POLI: variants seen among roughly 807,000 people sequenced by gnomAD.
POLI encodes the protein RAD30 homolog B.
A neutral mutation model predicts 51.6 loss-of-function variants in POLI; 58 were observed. That is an observed-to-expected ratio of 1.12 (90% CI 0.91 to 1.40). The LOEUF (loss-of-function observed/expected upper bound fraction) is 1.40, where lower values mean the gene tolerates loss of function less well. Ranked by LOEUF, POLI falls within the 40% of genes most tolerant of loss-of-function variation. POLI has a pLI of 0.00. For missense variants in POLI, 921 were observed against 871.3 expected (o/e 1.06, Z -0.72); for synonymous variants, 322 against 299.7 (o/e 1.07, Z -0.77).
intron 8 of POLI, 138 bp from the exon 9 acceptor site, chr18:54,291,695 A>G: frequency 3.9e-6 from 2 of 508,272 alleles, no homozygotes; most frequent in Non-Finnish European, 6.9e-6. Flanking sequence ...TAGTATTAAT[A>G]TTGAAATGTC....
At chr18:54,286,177 T>C (rs1273337141) in intron 7 of POLI, among the ~76,000 whole-genome samples, 1 of 152,236 alleles carries the variant, frequency 6.6e-6, no homozygotes, top group African/African-American at 2.4e-5. Context: ...AACTATTTTT[T>C]TCAGATCAGA....
chr18:54,318,979 T>C (rs2088765252), intron 3 of POLI, among the ~76,000 whole-genome samples: 1 of 152,188 alleles, frequency 6.6e-6, no homozygotes, highest in Non-Finnish European at 1.5e-5. Flanking sequence ...GCTAATGAGA[T>C]GTAAGCATCT....
Position 54,296,299 on chromosome 18 carries a change from A to G in POLI, c.*1832A>G. The G allele has an allele frequency of 3.0e-6, 3 of 985,324 alleles. No individual in the cohort carries two copies. The highest frequency in any genetic ancestry group is 3.6e-6 in the Non-Finnish European group (3 of 829,826). The allele number at this position is 985,324 out of a possible 1,614,324, so 61.0% of individuals were successfully genotyped here. ...AAGAGAAAGCAAAATAGTTAAAAAT[A>G]CATTTCATAGATTGAGAATGTACGG... On this transcript the variant is annotated 3_prime_UTR_variant, in exon 10 of 10. Coordinates refer to ENST00000579534, the MANE Select transcript of POLI (RefSeq NM_007195.3).
chr18:54,286,445 T>C (rs1049792710), intron 7 of POLI, among the ~76,000 whole-genome samples: 6 of 152,148 alleles, frequency 3.9e-5, no homozygotes, highest in Non-Finnish European at 7.4e-5. Flanking sequence ...TAGTATATGC[T>C]CTTTTAAGAT....
At chr18:54,291,595 G>T in intron 8 of POLI, 1 of 272,248 alleles carries the variant, frequency 3.7e-6, no homozygotes, top group Non-Finnish European at 6.8e-6. Flanking sequence ...CAGTTTTATA[G>T]TAGCTTTTTG....
At chr18:54,275,558 T>G (rs2144471892) in intron 3 of POLI, among the ~76,000 whole-genome samples, 1 of 152,314 alleles carries the variant, frequency 6.6e-6, no homozygotes, top group East Asian at 1.9e-4. Flanking sequence ...AAAGGCAAGG[T>G]ACAAAGTCAT....
At chr18:54,276,438 T>C (rs965882894) in intron 3 of POLI, among the ~76,000 whole-genome samples, 1 of 152,184 alleles carries the variant, frequency 6.6e-6, no homozygotes, top group Non-Finnish European at 1.5e-5. Context: ...CAGTCAATAT[T>C]TAGTGATCCA....
chr18:54,314,428 G>T (rs2088706604), intron 3 of POLI, among the ~76,000 whole-genome samples: 1 of 152,078 alleles, frequency 6.6e-6, no homozygotes, highest in Admixed American at 6.6e-5. Flanking sequence ...TTGGCCTGAA[G>T]TTTTCTTTTT....
chr18:54,309,566 C>T (rs1352157434), intron 3 of POLI, among the ~76,000 whole-genome samples: 1 of 152,196 alleles, frequency 6.6e-6, no homozygotes, highest in Non-Finnish European at 1.5e-5. Context: ...AGTCAGTCCA[C>T]TCTCAGAGCT....
At chr18:54,277,565 T>A in intron 3 of POLI, 138 bp from the exon 4 acceptor site, 2 of 546,198 alleles carry the variant, frequency 3.7e-6, no homozygotes, top group Non-Finnish European at 6.4e-6. Flanking sequence ...CTGAGGGCTT[T>A]ATTAAAGATA....
intron 3 of POLI, among the ~76,000 whole-genome samples, chr18:54,277,368 C>T (rs1435510313): frequency 6.6e-6 from 1 of 152,152 alleles, no homozygotes; most frequent in Non-Finnish European, 1.5e-5. Context: ...TTCTTTGACA[C>T]ATTTCTTCAA....
At chr18:54,314,539 A>G (rs2088707596) in intron 3 of POLI, among the ~76,000 whole-genome samples, 1 of 152,120 alleles carries the variant, frequency 6.6e-6, no homozygotes, top group South Asian at 2.1e-4. Flanking sequence ...GAATAGTTTC[A>G]GTAGGATTGG....
intron 3 of POLI, among the ~76,000 whole-genome samples, chr18:54,309,886 G>A (rs2088646530): frequency 6.6e-6 from 1 of 152,216 alleles, no homozygotes; most frequent in Non-Finnish European, 1.5e-5. Context: ...CATGGGACCT[G>A]CTGAGCCTTG....
chr18:54,286,124 A>G (rs1405191765), intron 7 of POLI, among the ~76,000 whole-genome samples: 1 of 152,154 alleles, frequency 6.6e-6, no homozygotes, highest in African/African-American at 2.4e-5. Flanking sequence ...TCAACTTCCC[A>G]AAGTGTTGGG....
At chr18:54,309,131 A>G (rs641664) in intron 3 of POLI, among the ~76,000 whole-genome samples, 117,174 of 152,218 alleles carry the variant, frequency 0.77, 45,915 homozygotes, top group African/African-American at 0.93. Flanking sequence ...CATTGCTGGC[A>G]AGGAGCTGTG....
At position 54,280,938 on chromosome 18, in the gene POLI, C is replaced by T. The variant is rs73487908; in HGVS notation, c.796+35C>T. Reference sequence around the variant, plus strand: ...ATATATTTGAAAAGTACATATACGTCTTATTTTATTTCTTTTAATTTAAAA... The same window carrying T: ...ATATATTTGAAAAGTACATATACGTTTTATTTTATTTCTTTTAATTTAAAA... On this transcript the variant is annotated intron_variant, in intron 5 of 9. Transcript: ENST00000579534. 1.7e-3 allele frequency: 1,834 copies of T among 1,079,198 alleles called. 20 individuals are homozygous for T. The African/African-American group carries it at 0.026, about 15-fold the overall frequency. 66.9% of individuals were successfully genotyped at this position (1,079,198 alleles called of 1,614,324 possible).
At chr18:54,286,569 A>T (rs949793644) in intron 7 of POLI, among the ~76,000 whole-genome samples, 1 of 152,186 alleles carries the variant, frequency 6.6e-6, no homozygotes, top group Admixed American at 6.5e-5. Context: ...AAAAGTTTGA[A>T]AAAAGTTCTT....
In POLI at chr18:54,269,590, A is replaced by G. The variant is rs78943519; in HGVS notation, c.44A>G (p.Asp15Gly). The change falls in exon 1 of 10, where the codon GAC (aspartate) becomes GGC (glycine). Residue 15 changes from aspartate (D) to glycine (G), a missense_variant. Transcript: ENST00000579534. ...GAGCCGGAGGAGGAAGGCGGCGGCG[A>G]CGACGACGAGGAAGACGCCGAGGCC... ...GVEPEEEGGG[D>G]DDEEDAEAWA... 1.0e-4 allele frequency: 14 copies of G among 134,292 alleles called. No individual in the cohort carries two copies. Among genetic ancestry groups the G allele is most frequent in the Middle Eastern group, 3.7e-3 (1 of 272 alleles). The allele number at this position is 134,292 out of a possible 1,614,324, so 8.3% of individuals were successfully genotyped here. A position where few individuals can be genotyped will look rare whatever the true frequency, so the allele number is the denominator to read the frequency against.
At chr18:54,292,889 A>T (rs1391730856) in intron 9 of POLI, among the ~76,000 whole-genome samples, 2 of 152,052 alleles carry the variant, frequency 1.3e-5, no homozygotes, top group Non-Finnish European at 2.9e-5. Flanking sequence ...TGGAATTAAA[A>T]GTGCTCATTT....
Sources: gnomAD v4.1 joint callset for allele counts (sites outside exome capture counted in the v4.1 genomes callset) on GRCh38, gnomAD v4.1.1 for gene constraint, MANE v1.5 for transcripts, NCBI Gene and HGNC (gene_info 2026-07-23, HGNC 2026-07-21) for gene names.